The following PCOLCE2 variants were observed in gnomAD, a reference collection of about 807,000 sequenced individuals.
PCOLCE2 encodes the protein procollagen C-endopeptidase enhancer 2.
Under a neutral mutation model 47.0 loss-of-function variants are expected in PCOLCE2, and 42 were observed. The ratio of observed to expected loss-of-function variants is 0.89; its 90% CI spans 0.70 to 1.16. The LOEUF is 1.16. Ranked by LOEUF, PCOLCE2 falls within the 50% of genes most tolerant of loss-of-function variation. The pLI is 0.00. For synonymous variants in PCOLCE2, 169 were observed against 191.7 expected (o/e 0.88, Z 0.98); for missense variants, 500 against 526.1 (o/e 0.95, Z 0.49).
At chr3:142,880,896 C>T (rs1337465072) in intron 2 of PCOLCE2, among the ~76,000 whole-genome samples, 1 of 152,196 alleles carries the variant, frequency 6.6e-6, no homozygotes. Context: ...ACGGGTCATA[C>T]TCTTTGCACG....
chr3:142,886,778 G>A (rs1392607554), intron 2 of PCOLCE2, among the ~76,000 whole-genome samples: 4 of 152,202 alleles, frequency 2.6e-5, no homozygotes, highest in African/African-American at 4.8e-5. Context: ...TCATACAGTT[G>A]TTTTGAGGAT....
intron 2 of PCOLCE2, among the ~76,000 whole-genome samples, chr3:142,885,803 G>C (rs537836841): frequency 5.5e-4 from 84 of 152,246 alleles, no homozygotes; most frequent in Non-Finnish European, 3.4e-4. Flanking sequence ...ATCTTCCAGT[G>C]ACTCCTACTC....
intron 2 of PCOLCE2, among the ~76,000 whole-genome samples, chr3:142,882,525 T>C (rs1346918703): frequency 6.6e-6 from 1 of 152,200 alleles, no homozygotes; most frequent in Non-Finnish European, 1.5e-5. Context: ...AACCTAATGA[T>C]TTTTAACAAT....
At chr3:142,825,631 T>G (rs1937068383) in intron 6 of PCOLCE2, among the ~76,000 whole-genome samples, 1 of 152,186 alleles carries the variant, frequency 6.6e-6, no homozygotes, top group African/African-American at 2.4e-5. Flanking sequence ...TTAATCACTC[T>G]ATGACTATGT....
Position 142,842,723 on chromosome 3 carries a change from G to C in PCOLCE2, c.573+201C>G, listed in dbSNP as rs1417703400. Among the ~76,000 whole-genome samples the C allele has an allele frequency of 6.6e-6, 1 of 150,486 alleles. No homozygotes were observed. The highest frequency in any genetic ancestry group is 1.5e-5 in the Non-Finnish European group (1 of 67,798). ...CATTGCACTCCAGACAGGGCGACAAGAGCGAAACTCTGTCTCAAAAAAAAA... is the reference window on the plus strand; with the variant it reads ...CATTGCACTCCAGACAGGGCGACAACAGCGAAACTCTGTCTCAAAAAAAAA... On this transcript the variant is annotated intron_variant, in intron 4 of 8. Transcript: ENST00000295992. The surrounding 1 kb of genome is among the most constrained non-coding windows in gnomAD (Gnocchi z 4.1).
At chr3:142,881,117 T>C (rs1474115024) in intron 2 of PCOLCE2, among the ~76,000 whole-genome samples, 2 of 152,228 alleles carry the variant, frequency 1.3e-5, no homozygotes, top group African/African-American at 4.8e-5. Context: ...CTTGTCTTTC[T>C]ACCCCCACAG....
chr3:142,825,449 C>T (rs1937065345), intron 6 of PCOLCE2, among the ~76,000 whole-genome samples: 1 of 152,132 alleles, frequency 6.6e-6, no homozygotes, highest in African/African-American at 2.4e-5. Flanking sequence ...TCTATGGGTC[C>T]ACCCTCCCAT....
At chr3:142,845,989 T>C (rs1211773852) in intron 3 of PCOLCE2, among the ~76,000 whole-genome samples, 1 of 152,010 alleles carries the variant, frequency 6.6e-6, no homozygotes, top group African/African-American at 2.4e-5. Flanking sequence ...AAAAATACTA[T>C]GACACTGCCT....
chr3:142,820,503 C>T (rs1362387387), intron 8 of PCOLCE2, among the ~76,000 whole-genome samples: 1 of 152,110 alleles, frequency 6.6e-6, no homozygotes, highest in Non-Finnish European at 1.5e-5. Context: ...TGATTCTAGC[C>T]CGGATATACC....
chr3:142,837,422 A>G (rs1937215854), intron 5 of PCOLCE2, among the ~76,000 whole-genome samples: 1 of 151,860 alleles, frequency 6.6e-6, no homozygotes, highest in African/African-American at 2.4e-5. Flanking sequence ...TGCTTAAATT[A>G]TAACTACTAT....
Position 142,853,745 on chromosome 3 carries a change from C to T in PCOLCE2, c.193-5273G>A, listed in dbSNP as rs143827613. On this transcript the variant is annotated intron_variant, in intron 2 of 8. Coordinates refer to ENST00000295992, the MANE Select transcript of PCOLCE2 (RefSeq NM_013363.4). The stretch of plus-strand genomic sequence containing the variant: ...TTATATTTCAAATCTCCTGTAAATG[C>T]TAACACTTAATGCAGAAACTCAAGG... 9.3e-4 allele frequency among the ~76,000 whole-genome samples: 141 copies of T among 152,308 alleles called. 1 individual carries two copies. In the East Asian group the frequency reaches 0.024, roughly 26 times the overall value.
intron 2 of PCOLCE2, among the ~76,000 whole-genome samples, chr3:142,879,478 A>G (rs1349270343): frequency 2.0e-5 from 3 of 152,236 alleles, no homozygotes; most frequent in Admixed American, 6.5e-5. Flanking sequence ...CTTCAAAAGC[A>G]GGCAGAAAGC....
intron 8 of PCOLCE2, among the ~76,000 whole-genome samples, chr3:142,819,340 G>C (rs1378725744): frequency 6.6e-6 from 1 of 152,152 alleles, no homozygotes; most frequent in African/African-American, 2.4e-5. Flanking sequence ...CCTTTCCCCT[G>C]GTGTGTCATA....
intron 2 of PCOLCE2, among the ~76,000 whole-genome samples, chr3:142,856,792 G>C (rs1933068460): frequency 6.6e-6 from 1 of 152,154 alleles, no homozygotes; most frequent in African/African-American, 2.4e-5. Context: ...TCCTACTGTG[G>C]ACATAAGTGG....
At chr3:142,865,769 A>G (rs901690561) in intron 2 of PCOLCE2, among the ~76,000 whole-genome samples, 1 of 152,236 alleles carries the variant, frequency 6.6e-6, no homozygotes, top group African/African-American at 2.4e-5. Flanking sequence ...AACAAAATCA[A>G]TGTATGGAGA....
intron 2 of PCOLCE2, among the ~76,000 whole-genome samples, chr3:142,873,082 A>G (rs896649858): frequency 6.6e-6 from 1 of 152,168 alleles, no homozygotes; most frequent in African/African-American, 2.4e-5. Flanking sequence ...CATTTTCATA[A>G]GCACATGTTG....
At chr3:142,875,283 A>G (rs564725449) in intron 2 of PCOLCE2, among the ~76,000 whole-genome samples, 2 of 152,312 alleles carry the variant, frequency 1.3e-5, no homozygotes, top group African/African-American at 2.4e-5. Context: ...TGACTGTGCC[A>G]GCATCCTCTT....
chr3:142,860,000 T>C (rs1933149322), intron 2 of PCOLCE2, among the ~76,000 whole-genome samples: 2 of 152,238 alleles, frequency 1.3e-5, no homozygotes, highest in Non-Finnish European at 2.9e-5. Flanking sequence ...CTTTACATGG[T>C]AGCATTAAAT....
intron 5 of PCOLCE2, among the ~76,000 whole-genome samples, chr3:142,836,657 T>C (rs1937207491): frequency 5.3e-5 from 8 of 152,194 alleles, no homozygotes; most frequent in Admixed American, 1.3e-4. Flanking sequence ...TTTAAAGGTA[T>C]TTGGATATGA....
Sources: gnomAD v4.1 joint callset for allele counts (sites outside exome capture counted in the v4.1 genomes callset) on GRCh38, gnomAD v4.1.1 for gene constraint, Gnocchi (gnomAD v3.1) non-coding constraint, MANE v1.5 for transcripts, NCBI Gene and HGNC (gene_info 2026-07-23, HGNC 2026-07-21) for gene names.